GPC5: variants seen among roughly 807,000 people sequenced by gnomAD.
GPC5 encodes the protein glypican-5.
In GPC5, 47 loss-of-function variants were observed where a neutral mutation model predicts 53.9. The observed-to-expected ratio is 0.87, with a 90% CI of 0.69 to 1.11. The LOEUF (loss-of-function observed/expected upper bound fraction) is 1.11. Ranked by LOEUF, GPC5 falls within the 50% of genes most tolerant of loss-of-function variation. The pLI is 0.00. For missense variants in GPC5, 748 were observed against 713.1 expected (o/e 1.05, Z -0.56); for synonymous variants, 286 against 263.3 (o/e 1.09, Z -0.84).
chr13:92,201,156 T>C (rs2042292534), intron 7 of GPC5, among the ~76,000 whole-genome samples: 1 of 152,242 alleles, frequency 6.6e-6, no homozygotes, highest in South Asian at 2.1e-4. Flanking sequence ...TCATGATCTT[T>C]ATTCTGTAAA....
chr13:91,466,225 A>G (rs1882230270), intron 2 of GPC5, among the ~76,000 whole-genome samples: 1 of 152,136 alleles, frequency 6.6e-6, no homozygotes, highest in South Asian at 2.1e-4. Flanking sequence ...AATTAGCGTA[A>G]AAGTGCTTAG....
At chr13:92,697,364 C>T (rs1887587449) in intron 7 of GPC5, among the ~76,000 whole-genome samples, 1 of 152,100 alleles carries the variant, frequency 6.6e-6, no homozygotes, top group Admixed American at 6.6e-5. Context: ...TGTGTCCTCT[C>T]TTATTTCCTT....
At chr13:92,737,155 C>T (rs1435938005) in intron 7 of GPC5, among the ~76,000 whole-genome samples, 1 of 152,026 alleles carries the variant, frequency 6.6e-6, no homozygotes, top group Non-Finnish European at 1.5e-5. Context: ...AGATTACTGA[C>T]AATGTACAGA....
chr13:91,856,572 T>G (rs1414367098), intron 5 of GPC5, among the ~76,000 whole-genome samples: 1 of 151,542 alleles, frequency 6.6e-6, no homozygotes, highest in African/African-American at 2.4e-5. Flanking sequence ...AGGTGTAGTT[T>G]CATGTGCATC....
At chr13:92,386,803 C>G (rs969633526) in intron 7 of GPC5, among the ~76,000 whole-genome samples, 1 of 152,012 alleles carries the variant, frequency 6.6e-6, no homozygotes, top group African/African-American at 2.4e-5. Context: ...ATTTTTACTT[C>G]TAATCCGGTT....
chr13:91,719,016 A>G (rs541611055), intron 3 of GPC5, among the ~76,000 whole-genome samples: 2 of 152,202 alleles, frequency 1.3e-5, no homozygotes, highest in South Asian at 2.1e-4. Flanking sequence ...TTTTATTGCC[A>G]TTATTGATAA....
intron 7 of GPC5, among the ~76,000 whole-genome samples, chr13:92,245,062 A>T (rs1289365122): frequency 6.6e-6 from 1 of 150,588 alleles, no homozygotes; most frequent in Non-Finnish European, 1.5e-5. Flanking sequence ...AAACTTGCAC[A>T]TTGTCCTTCT....
intron 3 of GPC5, among the ~76,000 whole-genome samples, chr13:91,721,203 C>T (rs551603743): frequency 6.6e-6 from 1 of 151,848 alleles, no homozygotes; most frequent in South Asian, 2.1e-4. Flanking sequence ...GGTGCAATCT[C>T]AGCTCACTGC....
At chr13:91,840,164 T>G (rs978810125) in intron 5 of GPC5, among the ~76,000 whole-genome samples, 1 of 151,702 alleles carries the variant, frequency 6.6e-6, no homozygotes, top group Non-Finnish European at 1.5e-5. Context: ...AAAAAAAAAT[T>G]TTCTACTTTT....
intron 2 of GPC5, among the ~76,000 whole-genome samples, chr13:91,542,123 A>G (rs950070615): frequency 6.6e-6 from 1 of 152,004 alleles, no homozygotes; most frequent in African/African-American, 2.4e-5. Flanking sequence ...CTTTCAGTAT[A>G]TTGTTGAGAA....
chr13:92,289,552 A>G (rs1179198426), intron 7 of GPC5, among the ~76,000 whole-genome samples: 1 of 152,050 alleles, frequency 6.6e-6, no homozygotes, highest in Admixed American at 6.6e-5. Context: ...TTTACCATAT[A>G]TACTGCAATA....
At chr13:91,555,071 T>C (rs1253368323) in intron 2 of GPC5, among the ~76,000 whole-genome samples, 1 of 152,076 alleles carries the variant, frequency 6.6e-6, no homozygotes, top group African/African-American at 2.4e-5. Context: ...AAACTTTTAA[T>C]TTTGAGATAA....
At chr13:92,472,258 T>C (rs1336567672) in intron 7 of GPC5, among the ~76,000 whole-genome samples, 3 of 152,230 alleles carry the variant, frequency 2.0e-5, no homozygotes, top group Non-Finnish European at 4.4e-5. Context: ...TTCACTTCTA[T>C]CCCCTTCTCT....
At chr13:91,952,191 G>C (rs61966389) in intron 6 of GPC5, among the ~76,000 whole-genome samples, 50 of 128,164 alleles carry the variant, frequency 3.9e-4, no homozygotes, top group East Asian at 5.9e-4. Flanking sequence ...CTCTCTCTCT[G>C]TGTGTGTGTG....
At chr13:91,731,455 A>G (rs1027476151) in intron 4 of GPC5, among the ~76,000 whole-genome samples, 1 of 152,094 alleles carries the variant, frequency 6.6e-6, no homozygotes. Context: ...CAGGAGAGGA[A>G]TGTCTTTTTT....
chr13:92,264,878 CTGTGTGTG>C (rs71815584), intron 7 of GPC5, among the ~76,000 whole-genome samples: 2,380 of 104,692 alleles, frequency 0.023, 71 homozygotes, highest in African/African-American at 0.075. Flanking sequence ...CTCTCTCTCT[CTGTGTGTG>C]TGTGTGTGTG....
intron 7 of GPC5, among the ~76,000 whole-genome samples, chr13:92,159,254 A>C (rs2041968350): frequency 6.6e-6 from 1 of 152,234 alleles, no homozygotes; most frequent in Non-Finnish European, 1.5e-5. Flanking sequence ...AGATTAAAAG[A>C]GGGAGAGGGG....
At chr13:91,597,924 A>ATT (rs11443769) in intron 2 of GPC5, among the ~76,000 whole-genome samples, 9,234 of 150,926 alleles carry the variant, frequency 0.061, 357 homozygotes, top group Non-Finnish European at 0.088. Context: ...TTGAGTTTGT[A>ATT]TTTCTTTTTA....
intron 7 of GPC5, among the ~76,000 whole-genome samples, chr13:92,596,206 C>T (rs1396130253): frequency 6.6e-6 from 1 of 152,076 alleles, no homozygotes; most frequent in Non-Finnish European, 1.5e-5. Context: ...AACTCCAGGC[C>T]TCTATTCTTT....
Sources: gnomAD v4.1 joint callset for allele counts (sites outside exome capture counted in the v4.1 genomes callset) on GRCh38, gnomAD v4.1.1 for gene constraint, MANE v1.5 for transcripts, NCBI Gene and HGNC (gene_info 2026-07-23, HGNC 2026-07-21) for gene names.